MYH15: variants seen among roughly 807,000 people sequenced by gnomAD.
The protein encoded by MYH15 is myosin heavy chain 15.
In MYH15, 227 loss-of-function variants were observed where a neutral mutation model predicts 240.5. The observed-to-expected ratio is 0.94, with a 90% CI of 0.85 to 1.05. The LOEUF (loss-of-function observed/expected upper bound fraction) is 1.05, where lower values mean the gene tolerates loss of function less well. MYH15 is among the 50% of genes least tolerant of loss of function. MYH15 has a pLI of 0.00. For missense variants in MYH15, 2,217 were observed against 2,247.5 expected, an observed-to-expected ratio of 0.99 and a Z score of 0.27; for synonymous variants, 785 against 796.7, an observed-to-expected ratio of 0.99 and a Z score of 0.25.
chr3:108,528,579 T>C (rs2083690987), intron 1 of MYH15, among the ~76,000 whole-genome samples: 1 of 152,142 alleles, frequency 6.6e-6, no homozygotes, highest in Non-Finnish European at 1.5e-5. Flanking sequence ...CTCAATTCAA[T>C]CCAAAAGCAG....
intron 14 of MYH15, among the ~76,000 whole-genome samples, chr3:108,465,443 G>C (rs1194234541): frequency 6.6e-6 from 1 of 152,190 alleles, no homozygotes; most frequent in African/African-American, 2.4e-5. Flanking sequence ...GGCCTTATAG[G>C]CTGTAGTAAG....
chr3:108,527,923 G>A (rs2083685023), intron 1 of MYH15, among the ~76,000 whole-genome samples: 1 of 152,150 alleles, frequency 6.6e-6, no homozygotes, highest in South Asian at 2.1e-4. Context: ...TACAGTTTTG[G>A]AAACTGGGAA....
At chr3:108,448,640 G>A (rs538053656) in intron 21 of MYH15, among the ~76,000 whole-genome samples, 1 of 151,806 alleles carries the variant, frequency 6.6e-6, no homozygotes, top group Non-Finnish European at 1.5e-5. Flanking sequence ...GGAAAGTACT[G>A]CAACATAATA....
intron 22 of MYH15, among the ~76,000 whole-genome samples, chr3:108,442,803 A>C (rs1040387333): frequency 1.6e-4 from 24 of 146,794 alleles, no homozygotes; most frequent in Non-Finnish European, 2.8e-4. Context: ...TTTTGTGTTT[A>C]GCTTTCTCCC....
chr3:108,466,004 A>G (rs2083113540), intron 14 of MYH15, among the ~76,000 whole-genome samples: 1 of 152,186 alleles, frequency 6.6e-6, no homozygotes, highest in Non-Finnish European at 1.5e-5. Flanking sequence ...CTAAAGGACC[A>G]TATAGTTTCT....
intron 27 of MYH15, among the ~76,000 whole-genome samples, chr3:108,427,617 A>AC (rs1553766056): frequency 1.3e-4 from 16 of 122,964 alleles, no homozygotes; most frequent in Admixed American, 2.4e-4. Context: ...ACACACACAC[A>AC]ACACACACAC....
intron 31 of MYH15, among the ~76,000 whole-genome samples, chr3:108,409,581 C>T (rs2082573242): frequency 6.6e-6 from 1 of 152,302 alleles, no homozygotes; most frequent in African/African-American, 2.4e-5. Flanking sequence ...TGATCATAGA[C>T]TATGTAGGTC....
chr3:108,419,108 G>A (rs1356046177), intron 28 of MYH15, among the ~76,000 whole-genome samples: 3 of 152,130 alleles, frequency 2.0e-5, no homozygotes, highest in Non-Finnish European at 4.4e-5. Context: ...AGCTGGTTGA[G>A]ACTAATACAT....
At chr3:108,533,391 T>C (rs2083725060), upstream of MYH15, among the ~76,000 whole-genome samples, 1 of 152,166 alleles carries the variant, frequency 6.6e-6, no homozygotes, top group African/African-American at 2.4e-5. Flanking sequence ...TTAATCCTTC[T>C]GAGTCTTAGA....
intron 11 of MYH15, among the ~76,000 whole-genome samples, chr3:108,479,298 T>C (rs545469287): frequency 6.6e-6 from 1 of 152,196 alleles, no homozygotes; most frequent in Admixed American, 6.5e-5. Context: ...GGCTGCATGA[T>C]CTTACCTGGG....
At chr3:108,500,320 T>A in intron 3 of MYH15, 46 bp from the exon 4 acceptor site, 1 of 1,574,524 alleles carries the variant, frequency 6.4e-7, no homozygotes, top group Non-Finnish European at 8.6e-7. Context: ...TTAGAAATAC[T>A]TCCAGGTTTG....
At chr3:108,522,520 C>T (rs1395896432) in intron 1 of MYH15, among the ~76,000 whole-genome samples, 2 of 152,034 alleles carry the variant, frequency 1.3e-5, no homozygotes, top group African/African-American at 2.4e-5. Context: ...TGATTGAATT[C>T]CATAGAATCT....
intron 35 of MYH15, among the ~76,000 whole-genome samples, chr3:108,395,531 A>G (rs774069614): frequency 1.3e-5 from 2 of 152,196 alleles, no homozygotes; most frequent in Non-Finnish European, 2.9e-5. Context: ...TATAAGTACA[A>G]ATACTAATTT....
the MYH15 span, among the ~76,000 whole-genome samples, chr3:108,549,303 GA>G: frequency 6.8e-6 from 1 of 146,902 alleles, no homozygotes; most frequent in South Asian, 2.1e-4. Flanking sequence ...AGTCCAACAA[GA>G]AAAAAAAAGT....
Position 108,470,138 on chromosome 3 carries a change from A to G in MYH15, c.1458T>C (p.Phe486=), listed in dbSNP as rs2083159460. ...TCTTATATTCCTCTTGCTCCAGAAC[A>G]AACATGTGCCAATTGAAGAATTGTT... ...KLQQFFNWHM[F]VLEQEEYKKE... Residue 486 remains phenylalanine (F), a synonymous_variant, in exon 14 of 41, where the codon TTT becomes TTC. Transcript: ENST00000693548. 10 of 1,611,174 alleles carry G rather than the reference A, an allele frequency of 6.2e-6. No individual in the cohort carries two copies. Among genetic ancestry groups the G allele is most frequent in the Non-Finnish European group, 8.5e-6 (10 of 1,178,924 alleles).
At chr3:108,412,145 A>G (rs1294170797) in intron 30 of MYH15, among the ~76,000 whole-genome samples, 1 of 152,206 alleles carries the variant, frequency 6.6e-6, no homozygotes, top group Non-Finnish European at 1.5e-5. Flanking sequence ...ACCAGGTGAT[A>G]TGGTTTGGCT....
chr3:108,405,045 A>AC (rs1022809004), intron 33 of MYH15: 1 of 178,096 alleles, frequency 5.6e-6, no homozygotes, highest in African/African-American at 2.3e-5. Context: ...TAGTAAGCTC[A>AC]CCACTATTGA....
intron 12 of MYH15, among the ~76,000 whole-genome samples, chr3:108,475,979 C>G (rs1169205948): frequency 6.6e-6 from 1 of 152,184 alleles, no homozygotes; most frequent in Non-Finnish European, 1.5e-5. Context: ...TGTCCTAAAA[C>G]TGTTTCTCAA....
At chr3:108,381,660 G>A in intron 40 of MYH15, 101 bp from the exon 41 acceptor site, 2 of 1,315,008 alleles carry the variant, frequency 1.5e-6, no homozygotes, top group South Asian at 1.2e-5. Flanking sequence ...AGGTAAGCAG[G>A]CCTTAGCCAA....
Sources: allele counts gnomAD v4.1 joint callset (sites outside exome capture counted in the v4.1 genomes callset), GRCh38; gene constraint gnomAD v4.1.1; transcripts MANE v1.5; gene names NCBI Gene and HGNC (gene_info 2026-07-23, HGNC 2026-07-21).